Variants in SPHKAP observed in about 807,000 individuals in gnomAD.
SPHKAP encodes the protein SPHK1 interactor, AKAP domain containing, also known as A-kinase anchor protein SPHKAP.
A neutral mutation model predicts 137.5 loss-of-function variants in SPHKAP; 67 were observed. The observed-to-expected ratio is 0.49, with a 90% CI of 0.40 to 0.60. The LOEUF (loss-of-function observed/expected upper bound fraction) is 0.60. Among genes scored for constraint, SPHKAP ranks in the 20% least tolerant of loss-of-function variants. The probability of loss-of-function intolerance (pLI) is 0.00; values close to 1 mark genes in which losing one functional copy is unlikely to be tolerated. For missense variants in SPHKAP, 2,097 were observed against 2,069.3 expected, an observed-to-expected ratio of 1.01 and a Z score of -0.26; for synonymous variants, 813 against 785.3, an observed-to-expected ratio of 1.04 and a Z score of -0.59.
intron 3 of SPHKAP, among the ~76,000 whole-genome samples, chr2:228,066,479 G>A (rs749794963): frequency 3.5e-4 from 53 of 152,146 alleles, no homozygotes; most frequent in Non-Finnish European, 7.1e-4. Flanking sequence ...CCTATTTGAA[G>A]TTTATCCTCT....
chr2:228,001,379 A>G (rs908133881), intron 7 of SPHKAP, among the ~76,000 whole-genome samples: 1 of 143,628 alleles, frequency 7.0e-6, no homozygotes, highest in Non-Finnish European at 1.5e-5. Flanking sequence ...ACATAAATAT[A>G]TATACACATA....
intron 3 of SPHKAP, among the ~76,000 whole-genome samples, chr2:228,107,430 T>A (rs75267861): frequency 0.019 from 2,958 of 152,202 alleles, 99 homozygotes; most frequent in African/African-American, 0.068. Flanking sequence ...TTAGGGAGAA[T>A]CATAAAGGTG....
intron 3 of SPHKAP, among the ~76,000 whole-genome samples, chr2:228,040,007 C>T (rs180959174): frequency 5.3e-5 from 8 of 152,174 alleles, no homozygotes; most frequent in African/African-American, 1.7e-4. Context: ...AGGAGGTGAG[C>T]CCTTTGATTT....
intron 7 of SPHKAP, among the ~76,000 whole-genome samples, chr2:227,998,904 A>C (rs1232628016): frequency 6.6e-6 from 1 of 152,160 alleles, no homozygotes; most frequent in Non-Finnish European, 1.5e-5. Context: ...TCTCCCTCTC[A>C]GAGTCTGTTC....
intron 3 of SPHKAP, among the ~76,000 whole-genome samples, chr2:228,099,353 C>T (rs1355072441): frequency 6.6e-6 from 1 of 152,050 alleles, no homozygotes; most frequent in Admixed American, 6.6e-5. Flanking sequence ...AGCTTTATTT[C>T]TGGGTTCTCT....
In SPHKAP at chr2:228,017,312, G is replaced by A. The variant is rs142006339; in HGVS notation, c.3542C>T (p.Pro1181Leu). 17 of 1,613,794 alleles carry A rather than the reference G, an allele frequency of 1.1e-5. No individual in the cohort carries two copies. The highest frequency in any genetic ancestry group is 1.4e-5 in the Non-Finnish European group (17 of 1,179,972). The change falls in exon 7 of 12, where the codon CCC becomes CTC. Residue 1181 changes from proline to leucine, a missense_variant. Coordinates refer to ENST00000392056, the MANE Select transcript of SPHKAP (RefSeq NM_001142644.2). ...SDHLSVRPSCPSKQSSTESIT... is the reference protein window; with the variant it reads ...SDHLSVRPSCLSKQSSTESIT... ...GCTCTCTGTGCTGGACTGCTTAGAG[G>A]GACAGCTAGGCCTCACACTGAGGTG...
At chr2:228,091,475 C>T (rs932060778) in intron 3 of SPHKAP, among the ~76,000 whole-genome samples, 1 of 152,150 alleles carries the variant, frequency 6.6e-6, no homozygotes, top group South Asian at 2.1e-4. Flanking sequence ...GCAGAATAAA[C>T]AGACAACCCA....
intron 3 of SPHKAP, among the ~76,000 whole-genome samples, chr2:228,037,986 C>A (rs753865978): frequency 1.1e-4 from 17 of 152,172 alleles, no homozygotes; most frequent in Non-Finnish European, 2.5e-4. Flanking sequence ...GTAGAGAATA[C>A]AGGACCAGCC....
intron 1 of SPHKAP, among the ~76,000 whole-genome samples, chr2:228,178,031 T>A (rs1700790796): frequency 6.6e-6 from 1 of 152,172 alleles, no homozygotes; most frequent in Admixed American, 6.5e-5. Flanking sequence ...ACAAACTATT[T>A]CTATTTGCTA....
At chr2:228,098,394 A>C (rs1413010423) in intron 3 of SPHKAP, among the ~76,000 whole-genome samples, 1 of 152,214 alleles carries the variant, frequency 6.6e-6, no homozygotes, top group Non-Finnish European at 1.5e-5. Flanking sequence ...TGAATTAAGA[A>C]AATGTGGCAC....
intron 3 of SPHKAP, among the ~76,000 whole-genome samples, chr2:228,088,153 T>C (rs997758514): frequency 1.3e-5 from 2 of 152,064 alleles, no homozygotes; most frequent in Admixed American, 6.6e-5. Flanking sequence ...GACCCACAAA[T>C]TGTAAATATA....
chr2:228,111,213 A>C (rs1021736637), intron 2 of SPHKAP, among the ~76,000 whole-genome samples: 1 of 152,172 alleles, frequency 6.6e-6, no homozygotes, highest in Non-Finnish European at 1.5e-5. Flanking sequence ...CATCAACATT[A>C]CTGGTCTAAC....
chr2:228,147,823 G>T (rs1211329756), intron 1 of SPHKAP, among the ~76,000 whole-genome samples: 1 of 152,128 alleles, frequency 6.6e-6, no homozygotes, highest in Non-Finnish European at 1.5e-5. Context: ...ATCACAGTAG[G>T]GGAGGTGCTA....
intron 3 of SPHKAP, chr2:228,028,068 G>A: frequency 1.0e-6 from 1 of 984,968 alleles, no homozygotes; most frequent in Non-Finnish European, 1.2e-6. Context: ...CACAACAAAT[G>A]CCCGCTTCCT....
chr2:228,059,257 C>T (rs993610195), intron 3 of SPHKAP, among the ~76,000 whole-genome samples: 1 of 152,116 alleles, frequency 6.6e-6, no homozygotes, highest in Non-Finnish European at 1.5e-5. Context: ...CGATTAAATA[C>T]CTAGGAGTGG....
chr2:228,016,003 A>G (rs1448268996), intron 7 of SPHKAP, among the ~76,000 whole-genome samples: 3 of 152,204 alleles, frequency 2.0e-5, no homozygotes, highest in Non-Finnish European at 2.9e-5. Flanking sequence ...AATTGCCATG[A>G]ATGAATTTTA....
At chr2:228,028,764 TCAAA>T (rs896138070) in intron 3 of SPHKAP, among the ~76,000 whole-genome samples, 1 of 152,214 alleles carries the variant, frequency 6.6e-6, no homozygotes, top group South Asian at 2.1e-4. Flanking sequence ...TCTATGATGT[TCAAA>T]CAGTGACAAA....
chr2:228,180,845 A>C (rs1234817028), intron 1 of SPHKAP, among the ~76,000 whole-genome samples: 1 of 152,168 alleles, frequency 6.6e-6, no homozygotes, highest in East Asian at 1.9e-4. Flanking sequence ...AGGGGCAAAA[A>C]AGAGACAGGA....
At chr2:228,041,110 C>A (rs561223688) in intron 3 of SPHKAP, among the ~76,000 whole-genome samples, 2 of 152,136 alleles carry the variant, frequency 1.3e-5, no homozygotes, top group East Asian at 3.9e-4. Context: ...AGATGTTTTC[C>A]TATATGATTT....
Sources: gnomAD v4.1 joint callset for allele counts (sites outside exome capture counted in the v4.1 genomes callset) on GRCh38, gnomAD v4.1.1 for gene constraint, MANE v1.5 for transcripts, NCBI Gene and HGNC (gene_info 2026-07-23, HGNC 2026-07-21) for gene names.